Variants in SLC9A9 observed in about 807,000 individuals in gnomAD.
The protein encoded by SLC9A9 is solute carrier family 9 member A9.
In SLC9A9, 62 loss-of-function variants were observed where a neutral mutation model predicts 77.8. That is an observed-to-expected ratio of 0.80 (90% CI 0.65 to 0.98). The LOEUF is 0.98. Ranked by LOEUF, SLC9A9 falls within the 50% of genes least tolerant of loss-of-function variation. The pLI, the probability that SLC9A9 is intolerant of heterozygous loss-of-function variation, is 0.00. For synonymous variants in SLC9A9, 320 were observed against 283.5 expected (o/e 1.13, Z -1.29); for missense variants, 775 against 774.9 (o/e 1.00, Z 0.00).
chr3:143,442,281 G>A (rs914631609), intron 12 of SLC9A9, among the ~76,000 whole-genome samples: 1 of 152,234 alleles, frequency 6.6e-6, no homozygotes, highest in African/African-American at 2.4e-5. Context: ...TCTCAGTGGA[G>A]ATACGCCCTC....
chr3:143,685,763 A>C (rs1028261227), intron 5 of SLC9A9, among the ~76,000 whole-genome samples: 1 of 152,180 alleles, frequency 6.6e-6, no homozygotes, highest in African/African-American at 2.4e-5. Context: ...TTCCTAAAAG[A>C]AGCTACTATT....
chr3:143,497,537 T>A (rs2108594064), intron 9 of SLC9A9, among the ~76,000 whole-genome samples: 1 of 152,310 alleles, frequency 6.6e-6, no homozygotes, highest in South Asian at 2.1e-4. Flanking sequence ...TTTCACAGGA[T>A]GAGAAATCAG....
intron 2 of SLC9A9, among the ~76,000 whole-genome samples, chr3:143,810,862 A>C (rs573702957): frequency 6.6e-6 from 1 of 152,364 alleles, no homozygotes; most frequent in South Asian, 2.1e-4. Context: ...TAGTCCAAGA[A>C]AGGGAAGACG....
chr3:143,473,932 A>C (rs1005021102), intron 11 of SLC9A9, among the ~76,000 whole-genome samples: 2 of 152,220 alleles, frequency 1.3e-5, no homozygotes, highest in Non-Finnish European at 2.9e-5. Flanking sequence ...ACCTTAATTT[A>C]AAGGTGTTTC....
At chr3:143,271,073 T>C (rs1158472060) in intron 14 of SLC9A9, among the ~76,000 whole-genome samples, 1 of 151,926 alleles carries the variant, frequency 6.6e-6, no homozygotes, top group Non-Finnish European at 1.5e-5. Flanking sequence ...CTGTCTACAC[T>C]ACTTGCCCCC....
At chr3:143,627,440 T>C (rs995178368) in intron 6 of SLC9A9, 5 of 223,356 alleles carry the variant, frequency 2.2e-5, no homozygotes, top group Admixed American at 1.3e-4. Flanking sequence ...ATTCTAGTTA[T>C]GAATGTCAGC....
intron 5 of SLC9A9, among the ~76,000 whole-genome samples, chr3:143,664,012 C>T (rs1439914252): frequency 1.3e-5 from 2 of 151,952 alleles, no homozygotes; most frequent in Non-Finnish European, 2.9e-5. Flanking sequence ...AAGACCAACC[C>T]CGAGACACGT....
At chr3:143,443,135 C>A (rs1245214555) in intron 12 of SLC9A9, among the ~76,000 whole-genome samples, 3 of 152,014 alleles carry the variant, frequency 2.0e-5, no homozygotes, top group Non-Finnish European at 4.4e-5. Flanking sequence ...AACAAGCCAC[C>A]CCTGTAGGGG....
chr3:143,449,780 T>A (rs1183215442), intron 12 of SLC9A9, among the ~76,000 whole-genome samples: 1 of 87,094 alleles, frequency 1.1e-5, no homozygotes, highest in Non-Finnish European at 2.0e-5. Flanking sequence ...TATATATATT[T>A]ATATATAATT....
intron 12 of SLC9A9, among the ~76,000 whole-genome samples, chr3:143,461,226 C>T (rs1192507709): frequency 1.3e-5 from 2 of 152,010 alleles, no homozygotes; most frequent in Admixed American, 1.3e-4. Flanking sequence ...TAATATAATC[C>T]TTTTTGTGAG....
chr3:143,546,413 A>G (rs1054172574), intron 9 of SLC9A9, among the ~76,000 whole-genome samples: 2 of 152,254 alleles, frequency 1.3e-5, no homozygotes, highest in African/African-American at 4.8e-5. Flanking sequence ...AATACATGAA[A>G]ACATCTATGT....
chr3:143,376,935 T>C (rs2033192965), intron 13 of SLC9A9, among the ~76,000 whole-genome samples: 1 of 152,202 alleles, frequency 6.6e-6, no homozygotes, highest in Non-Finnish European at 1.5e-5. Context: ...AGAAGTGTAG[T>C]GTGAAATTTA....
intron 12 of SLC9A9, among the ~76,000 whole-genome samples, chr3:143,399,831 T>G (rs1227004493): frequency 2.6e-5 from 4 of 152,264 alleles, no homozygotes; most frequent in Middle Eastern, 6.8e-3. Context: ...GTAGACTATT[T>G]CATTCATTCT....
intron 12 of SLC9A9, among the ~76,000 whole-genome samples, chr3:143,394,273 C>T (rs2033644040): frequency 6.6e-6 from 1 of 152,164 alleles, no homozygotes; most frequent in African/African-American, 2.4e-5. Context: ...TGGGCTTCAT[C>T]CCTGGGATGC....
chr3:143,595,468 C>G (rs2037737786), intron 6 of SLC9A9, among the ~76,000 whole-genome samples: 1 of 152,196 alleles, frequency 6.6e-6, no homozygotes, highest in African/African-American at 2.4e-5. Flanking sequence ...TCAACATTCT[C>G]TTTCCTGAAT....
chr3:143,678,887 G>A (rs957161792), intron 5 of SLC9A9, among the ~76,000 whole-genome samples: 1 of 152,130 alleles, frequency 6.6e-6, no homozygotes, highest in African/African-American at 2.4e-5. Context: ...AACTATAATA[G>A]CATCGGCTAC....
chr3:143,730,081 A>G (rs959136461), intron 4 of SLC9A9, among the ~76,000 whole-genome samples: 14 of 152,214 alleles, frequency 9.2e-5, no homozygotes, highest in African/African-American at 3.1e-4. Context: ...TTAAATAAAC[A>G]CTTGAGAAAT....
At chr3:143,326,288 A>G (rs1382962963) in intron 14 of SLC9A9, among the ~76,000 whole-genome samples, 1 of 152,218 alleles carries the variant, frequency 6.6e-6, no homozygotes, top group African/African-American at 2.4e-5. Context: ...CACAGCAACC[A>G]GAGTGATCTG....
intron 12 of SLC9A9, among the ~76,000 whole-genome samples, chr3:143,432,478 C>T (rs1031003609): frequency 6.6e-6 from 1 of 152,172 alleles, no homozygotes; most frequent in African/African-American, 2.4e-5. Context: ...ATTACAATCA[C>T]ATTCCTACTT....
Sources: gnomAD v4.1 joint callset for allele counts (sites outside exome capture counted in the v4.1 genomes callset) on GRCh38, gnomAD v4.1.1 for gene constraint, MANE v1.5 for transcripts, NCBI Gene and HGNC (gene_info 2026-07-23, HGNC 2026-07-21) for gene names.